The following TCEA2 variants were observed in gnomAD, a reference collection of about 807,000 sequenced individuals.
The protein encoded by TCEA2 is transcription elongation factor A2, also known as transcription elongation factor A protein 2.
In TCEA2, 21 loss-of-function variants were observed where a neutral mutation model predicts 40.8. The observed-to-expected ratio is 0.51, with a 90% CI of 0.36 to 0.74. The LOEUF is 0.74. Among genes scored for constraint, TCEA2 ranks in the 30% least tolerant of loss-of-function variants. The pLI is 0.00. For missense variants in TCEA2, 326 were observed against 426.5 expected, an observed-to-expected ratio of 0.76 and a Z score of 2.08; for synonymous variants, 165 against 162.7, an observed-to-expected ratio of 1.01 and a Z score of -0.11.
chr20:64,065,685 C>T (rs1405178847), intron 1 of TCEA2: 1 of 152,320 alleles, frequency 6.6e-6, no homozygotes. Flanking sequence ...CTGGCCTCGT[C>T]AGTGTTGAGG....
chr20:64,066,841 C>T (rs762340913), intron 2 of TCEA2, 74 bp from the exon 3 acceptor site: 34 of 1,458,072 alleles, frequency 2.3e-5, no homozygotes, highest in Non-Finnish European at 3.1e-5. Flanking sequence ...TGGGGGCCAC[C>T]AAGGCTCTGC....
Position 64,063,225 on chromosome 20 carries a change from G to A in TCEA2, c.-88G>A. 1 of 1,221,050 alleles carries A rather than the reference G, an allele frequency of 8.2e-7. No individual in the cohort carries two copies. Among genetic ancestry groups the A allele is most frequent in the South Asian group, 1.8e-5 (1 of 54,150 alleles). 75.6% of individuals were successfully genotyped at this position (1,221,050 alleles called of 1,614,324 possible). ...GGCGGGGCTGCGTCGGCTGCGGCGG[G>A]TGTGGGAGGTGGCGACGGCCGGGGC... On this transcript the variant is annotated 5_prime_UTR_variant, in exon 1 of 10. The change creates a new upstream start codon in the 5' untranslated region. Transcript: ENST00000343484.
upstream of TCEA2, among the ~76,000 whole-genome samples, chr20:64,060,694 G>A (rs1042113714): frequency 6.6e-6 from 1 of 152,192 alleles, no homozygotes; most frequent in African/African-American, 2.4e-5. Context: ...TATGGAAACC[G>A]TGTTCATCTA....
chr20:64,066,187 C>A, intron 1 of TCEA2: 1 of 338,368 alleles, frequency 3.0e-6, no homozygotes, highest in South Asian at 4.3e-5. Context: ...GAGGTGGTTA[C>A]AACGAAGTCA....
chr20:64,067,054 G>GC (rs1333551317), intron 3 of TCEA2, 34 bp downstream of exon 3: 1 of 1,579,084 alleles, frequency 6.3e-7, no homozygotes, highest in Non-Finnish European at 8.6e-7. Flanking sequence ...GAGTGCTGGG[G>GC]CAGGGGTCCC....
chr20:64,068,469 C>T (rs1420954427), intron 4 of TCEA2, among the ~76,000 whole-genome samples: 1 of 152,246 alleles, frequency 6.6e-6, no homozygotes, highest in Non-Finnish European at 1.5e-5. Context: ...CTGGCTTCCC[C>T]CTCAGCCTCA....
intron 1 of TCEA2, chr20:64,065,701 G>A (rs2059676805): frequency 6.5e-6 from 1 of 152,690 alleles, no homozygotes; most frequent in Non-Finnish European, 1.5e-5. Context: ...TGAGGACCTG[G>A]AGGAAACGCA....
At position 64,058,121 on chromosome 20, in the gene TCEA2, G is replaced by A. The variant is rs1304108644; in HGVS notation, c.-84+470G>A. On this transcript the variant is annotated intron_variant, in intron 1 of 10. Coordinates refer to the TCEA2 transcript ENST00000361317. The surrounding 1 kb of genome is among the most constrained non-coding windows in gnomAD (Gnocchi z 6.7). ...GAGCATGTCAGGGTTCGGGGCTCCT[G>A]TCATAGCGGAGTGGCTGCGGCCCGC... Among the ~76,000 whole-genome samples, 1 of 152,218 alleles carries A rather than the reference G, an allele frequency of 6.6e-6. No individual in the cohort carries two copies. The highest frequency in any genetic ancestry group is 1.5e-5 in the Non-Finnish European group (1 of 68,024).
Position 64,070,478 on chromosome 20 carries a change from C to T in TCEA2, c.673-11C>T, listed in dbSNP as rs1360635320. 4 of 1,613,532 alleles carry T rather than the reference C, an allele frequency of 2.5e-6. No individual in the cohort carries two copies. The African/African-American group carries it at 4.0e-5, about 16-fold the overall frequency. ...GGAGCGGTGGGCTAAGCCACTGGCC[C>T]CGTGCTCCAGGAGATGGCCAGTGAT... On this transcript the variant is annotated splice_polypyrimidine_tract_variant and intron_variant, in intron 7 of 9. Transcript: ENST00000343484.
chr20:64,063,182 C>A (rs1036948763), upstream of TCEA2: 1 of 789,522 alleles, frequency 1.3e-6, no homozygotes. Flanking sequence ...GGGTTTGAAC[C>A]GGGGGTCTGT....
upstream of TCEA2, chr20:64,057,282 C>T (rs2059484919): frequency 6.6e-6 from 1 of 152,384 alleles, no homozygotes; most frequent in East Asian, 1.9e-4. Flanking sequence ...CGTGCATTTC[C>T]GCCTGTTCTC....
At chr20:64,066,630 C>A in intron 2 of TCEA2, 92 bp downstream of exon 2, 1 of 1,444,070 alleles carries the variant, frequency 6.9e-7, no homozygotes. Flanking sequence ...CTTCCCCACC[C>A]TCCCCACCAG....
At chr20:64,071,753 G>A (rs555007753) in intron 8 of TCEA2, 117 bp from the exon 9 acceptor site, 68 of 1,241,960 alleles carry the variant, frequency 5.5e-5, no homozygotes, top group African/African-American at 2.1e-4. Flanking sequence ...AGGCGGCCTC[G>A]GATCAGGTCA....
At position 64,058,162 on chromosome 20, in the gene TCEA2, G is replaced by A. The variant is rs376547694; in HGVS notation, c.-84+511G>A. ...TGCGGCCCGCAGGTCAGAGGCACCC[G>A]ACCTCTTCTGCTAACCCCCTTCCCT... On this transcript the variant is annotated intron_variant, in intron 1 of 10. Transcript: ENST00000361317. This position sits in a 1 kb window ranked among gnomAD's most constrained non-coding sequence, Gnocchi z 6.7. Among the ~76,000 whole-genome samples the A allele has an allele frequency of 2.7e-3, 415 of 152,244 alleles. 21 individuals carry two copies. The South Asian group carries it at 0.07, about 26-fold the overall frequency.
chr20:64,070,232 C>A, intron 6 of TCEA2, 28 bp from the exon 7 acceptor site: 2 of 1,612,246 alleles, frequency 1.2e-6, no homozygotes, highest in Non-Finnish European at 1.7e-6. Flanking sequence ...CGACGTTGTC[C>A]TCAGGTGGGT....
intron 2 of TCEA2, 91 bp downstream of exon 2, chr20:64,066,629 C>T (rs1426829655): frequency 9.7e-6 from 14 of 1,448,592 alleles, no homozygotes; most frequent in Non-Finnish European, 1.2e-5. Flanking sequence ...GCTTCCCCAC[C>T]CTCCCCACCA....
At chr20:64,065,251 C>T (rs995946371) in intron 1 of TCEA2, among the ~76,000 whole-genome samples, 2 of 152,112 alleles carry the variant, frequency 1.3e-5, no homozygotes, top group African/African-American at 4.8e-5. Flanking sequence ...CTCTGTACAG[C>T]CCAAGAGGCA....
Position 64,066,953 on chromosome 20 carries a change from G to A in TCEA2, c.174G>A (p.Lys58=), listed in dbSNP as rs755364242. ...RVGMSVNALR[K]QSSDEEVIAL... is the part of the protein sequence containing the mutation. ...GGATGTCTGTCAACGCCCTTCGGAA[G>A]CAGAGCTCGGATGAGGAGGTCATTG... The change falls in exon 3 of 10, where the codon AAG becomes AAA. Residue 58 remains lysine, a synonymous_variant. Transcript: ENST00000343484. The A allele has an allele frequency of 6.8e-6, 11 of 1,613,964 alleles. No homozygotes were observed. In the East Asian group the frequency reaches 2.2e-4, roughly 33 times the overall value.
chr20:64,068,405 C>A (rs1392610077), intron 4 of TCEA2, among the ~76,000 whole-genome samples: 1 of 152,220 alleles, frequency 6.6e-6, no homozygotes, highest in Non-Finnish European at 1.5e-5. Context: ...TGTGGGAGCC[C>A]CCTGGCCTCT....
Sources: allele counts gnomAD v4.1 joint callset (sites outside exome capture counted in the v4.1 genomes callset), GRCh38; gene constraint gnomAD v4.1.1; non-coding constraint Gnocchi (gnomAD v3.1); transcripts MANE v1.5; gene names NCBI Gene and HGNC (gene_info 2026-07-23, HGNC 2026-07-21).